The following MYOM1 variants were observed in gnomAD, a reference collection of about 807,000 sequenced individuals.
The protein encoded by MYOM1 is myomesin-1.
MYOM1 carries 164 observed loss-of-function variants against 205.3 expected under a neutral mutation model. That is an observed-to-expected ratio of 0.80 (90% confidence interval 0.70 to 0.91). The LOEUF is 0.91. MYOM1 is among the 40% of genes least tolerant of loss of function. The pLI is 0.00. For missense variants in MYOM1, 2,011 were observed against 2,127.3 expected, an observed-to-expected ratio of 0.95 and a Z score of 1.08; for synonymous variants, 772 against 789.4, an observed-to-expected ratio of 0.98 and a Z score of 0.37.
chr18:3,075,378 T>C (rs1338797004), intron 36 of MYOM1, 76 bp downstream of exon 36: 5 of 1,416,306 alleles, frequency 3.5e-6, no homozygotes, highest in Non-Finnish European at 3.9e-6. Flanking sequence ...CATCTGTAGT[T>C]ATAATAGCAA....
rs1349411035 is a variant in MYOM1, at chr18:3,100,501, C to A, written c.3576-75G>T. On this transcript the variant is annotated intron_variant, in intron 23 of 37. Transcript: ENST00000356443. ...GGCCTGTGTTTCCCCTGAATCTGGGCATTTGTGTATACTACTCCTTTCATC... is the reference window on the plus strand; with the variant it reads ...GGCCTGTGTTTCCCCTGAATCTGGGAATTTGTGTATACTACTCCTTTCATC... 1.1e-5 allele frequency: 12 copies of A among 1,050,698 alleles called. No homozygotes were observed. The Admixed American group carries it at 2.4e-4, about 21-fold the overall frequency. 65.1% of individuals were successfully genotyped at this position (1,050,698 alleles called of 1,614,324 possible).
chr18:3,244,611 C>T, the MYOM1 span, among the ~76,000 whole-genome samples: 4 of 151,646 alleles, frequency 2.6e-5, no homozygotes, highest in Admixed American at 2.0e-4. Flanking sequence ...AAAAAAGAGG[C>T]CAGGTGTGGC....
At chr18:3,186,796 AAG>A (rs2080818748) in intron 5 of MYOM1, among the ~76,000 whole-genome samples, 1 of 98,770 alleles carries the variant, frequency 1.0e-5, no homozygotes. Flanking sequence ...GAGAGAAAGA[AAG>A]AAAGAGAAAG....
chr18:3,091,189 G>A (rs192925597), intron 26 of MYOM1, among the ~76,000 whole-genome samples: 17 of 152,178 alleles, frequency 1.1e-4, no homozygotes, highest in Admixed American at 9.2e-4. Flanking sequence ...GGTGGGATGC[G>A]CCTGTAATCC....
At chr18:3,242,067 G>A in the MYOM1 span, among the ~76,000 whole-genome samples, 2 of 152,168 alleles carry the variant, frequency 1.3e-5, no homozygotes, top group Admixed American at 6.5e-5. Flanking sequence ...AGGTGCAAGG[G>A]ACTTGCCTTG....
intron 16 of MYOM1, among the ~76,000 whole-genome samples, chr18:3,132,025 A>ATAT (rs747164633): frequency 7.8e-6 from 1 of 127,620 alleles, no homozygotes; most frequent in Non-Finnish European, 1.7e-5. Flanking sequence ...ATTAGTATTA[A>ATAT]TATTATTATA....
At chr18:3,178,649 A>G (rs1003288116) in intron 5 of MYOM1, among the ~76,000 whole-genome samples, 2 of 152,186 alleles carry the variant, frequency 1.3e-5, no homozygotes, top group African/African-American at 4.8e-5. Context: ...TCTCCTCCAT[A>G]TAACAGAACC....
chr18:3,170,261 A>G (rs6506080), intron 8 of MYOM1, among the ~76,000 whole-genome samples: 95,840 of 151,934 alleles, frequency 0.63, 30,415 homozygotes, highest in Non-Finnish European at 0.65. Context: ...TCAAACAATG[A>G]GAAGAGTGGA....
intron 2 of MYOM1, among the ~76,000 whole-genome samples, chr18:3,208,991 A>G (rs1402826142): frequency 5.3e-5 from 8 of 152,154 alleles, no homozygotes; most frequent in African/African-American, 2.4e-5. Flanking sequence ...AATATTTTTT[A>G]TTATTCAGAT....
At chr18:3,240,496 T>TA in the MYOM1 span, among the ~76,000 whole-genome samples, 1 of 152,224 alleles carries the variant, frequency 6.6e-6, no homozygotes, top group Non-Finnish European at 1.5e-5. Context: ...TGCCACCATG[T>TA]AGACATGCCT....
In MYOM1 at chr18:3,142,022, C is replaced by T; in HGVS notation, c.1942G>A (p.Glu648Lys). The T allele has an allele frequency of 6.2e-7, 1 of 1,613,802 alleles. No homozygotes were observed. Among genetic ancestry groups the T allele is most frequent in the Non-Finnish European group, 8.5e-7 (1 of 1,179,836 alleles). The change falls in exon 14 of 38, where the codon GAG (glutamate) becomes AAG (lysine). Residue 648 changes from glutamate to lysine, a missense_variant. Glu to Lys is a moderately conservative substitution (Grantham distance 56, BLOSUM62 1). Transcript: ENST00000356443. The part of the protein sequence containing the change: ...PGPPTDLSVT[E>K]ATRSYVVLSW... ...AGCACCACATAGCTCCGGGTGGCCT[C>T]AGTGACAGAGAGGTCTGTCGGGGGG...
intron 10 of MYOM1, among the ~76,000 whole-genome samples, chr18:3,162,548 G>A (rs1184640909): frequency 6.6e-6 from 1 of 152,088 alleles, no homozygotes. Flanking sequence ...TAGGACCTGT[G>A]AGTATTATAA....
chr18:3,095,241 T>A (rs935820688), intron 25 of MYOM1, among the ~76,000 whole-genome samples: 1 of 152,084 alleles, frequency 6.6e-6, no homozygotes, highest in African/African-American at 2.4e-5. Flanking sequence ...TTAGACCTCG[T>A]GTCCCTCACC....
chr18:3,091,807 T>A (rs548744788), intron 26 of MYOM1, among the ~76,000 whole-genome samples: 1 of 150,880 alleles, frequency 6.6e-6, no homozygotes. Context: ...TCTTGGCTAA[T>A]TGCAACCTCG....
the MYOM1 span, chr18:3,245,923 C>T: frequency 0.015 from 2,300 of 152,414 alleles, 26 homozygotes; most frequent in Middle Eastern, 0.041. Flanking sequence ...GCTAACTCCG[C>T]ATTTTTTCTA....
intron 21 of MYOM1, among the ~76,000 whole-genome samples, chr18:3,114,509 C>A (rs1479706164): frequency 6.7e-6 from 1 of 148,940 alleles, no homozygotes; most frequent in African/African-American, 2.5e-5. Flanking sequence ...TCCTGAGTAG[C>A]TGGGAATACA....
chr18:3,107,243 G>A (rs994020008), intron 22 of MYOM1, among the ~76,000 whole-genome samples: 2 of 151,970 alleles, frequency 1.3e-5, no homozygotes, highest in African/African-American at 4.8e-5. Flanking sequence ...TCAGCCTCCC[G>A]AGTGGGTGGG....
rs2079786645 is a variant in MYOM1 at position 3,126,562 on chromosome 18, A to T, written c.2991+139T>A. 3 of 707,068 alleles carry T rather than the reference A, an allele frequency of 4.2e-6. No individual in the cohort carries two copies. In the South Asian group the frequency reaches 8.2e-5, roughly 19 times the overall value. 43.8% of individuals were successfully genotyped at this position (707,068 alleles called of 1,614,324 possible). ...TATTCACCACAGTATATTTTTCACA[A>T]GACTCATGCCACTGCAGACAATGGA... On this transcript the variant is annotated intron_variant, in intron 19 of 37. Coordinates refer to ENST00000356443, the MANE Select transcript of MYOM1 (RefSeq NM_003803.4).
chr18:3,087,828 G>C (rs1048601044), intron 29 of MYOM1, among the ~76,000 whole-genome samples: 4 of 151,796 alleles, frequency 2.6e-5, no homozygotes, highest in Admixed American at 2.6e-4. Context: ...TTTTTGAGTA[G>C]ACTAGCGCCA....
Sources: allele counts gnomAD v4.1 joint callset (sites outside exome capture counted in the v4.1 genomes callset), GRCh38; gene constraint gnomAD v4.1.1; transcripts MANE v1.5; gene names NCBI Gene and HGNC (gene_info 2026-07-23, HGNC 2026-07-21).